The following CNGB1 variants were observed in gnomAD, a reference collection of about 807,000 sequenced individuals.
CNGB1 encodes the protein cyclic nucleotide-gated channel beta-1.
A neutral mutation model predicts 151.7 loss-of-function variants in CNGB1; 126 were observed. The ratio of observed to expected loss-of-function variants is 0.83; its 90% CI spans 0.72 to 0.96. The LOEUF (loss-of-function observed/expected upper bound fraction) is 0.96, where lower values mean the gene tolerates loss of function less well. CNGB1 is among the 40% of genes least tolerant of loss of function. The pLI, the probability that CNGB1 is intolerant of heterozygous loss-of-function variation, is 0.00. For missense variants in CNGB1, 1,698 were observed against 1,627.0 expected (o/e 1.04, Z -0.75); for synonymous variants, 623 against 635.1 (o/e 0.98, Z 0.29).
intron 25 of CNGB1, among the ~76,000 whole-genome samples, chr16:57,910,253 C>A (rs1960672695): frequency 6.6e-6 from 1 of 152,200 alleles, no homozygotes; most frequent in South Asian, 2.1e-4. Context: ...CTAAAGCCCG[C>A]TATTTAGAGG....
At chr16:57,938,443 C>G (rs1961570665) in intron 16 of CNGB1, among the ~76,000 whole-genome samples, 1 of 152,188 alleles carries the variant, frequency 6.6e-6, no homozygotes, top group Non-Finnish European at 1.5e-5. Context: ...ATTGACTCCT[C>G]CCTCAGTGCC....
chr16:57,890,808 GA>G (rs1287832916), intron 31 of CNGB1, among the ~76,000 whole-genome samples: 31 of 152,322 alleles, frequency 2.0e-4, no homozygotes, highest in African/African-American at 7.5e-4. Context: ...TATCTCCCCT[GA>G]TGAGCAGAGC....
chr16:57,925,028 A>G (rs1961146550), intron 17 of CNGB1, among the ~76,000 whole-genome samples: 1 of 152,114 alleles, frequency 6.6e-6, no homozygotes, highest in Non-Finnish European at 1.5e-5. Context: ...TTTGAGATGG[A>G]GTCTTGCTCT....
chr16:57,970,845 C>T (rs921205884), intron 1 of CNGB1, among the ~76,000 whole-genome samples: 1 of 152,008 alleles, frequency 6.6e-6, no homozygotes, highest in African/African-American at 2.4e-5. Flanking sequence ...ATATAGATTC[C>T]TAGGTCCCCC....
chr16:57,901,236 C>G lies in CNGB1; in HGVS notation c.2976+116G>C, dbSNP rs527678922. On this transcript the variant is annotated intron_variant, in intron 29 of 32. Coordinates refer to ENST00000251102, the MANE Select transcript of CNGB1 (RefSeq NM_001297.5). ...AGCATGAAGCCGCAGACGCTCTTCT[C>G]CCTCCCCAACAATCTCGCTCTGCCC... 2.9e-6 allele frequency: 3 copies of G among 1,017,214 alleles called. No individual in the cohort carries two copies. The Admixed American group carries it at 5.1e-5, about 17-fold the overall frequency. The allele number at this position is 1,017,214 out of a possible 1,614,324, so 63.0% of individuals were successfully genotyped here.
At chr16:57,933,724 CT>C (rs5817126) in intron 16 of CNGB1, among the ~76,000 whole-genome samples, 66,420 of 119,130 alleles carry the variant, frequency 0.56, 17,909 homozygotes, top group East Asian at 0.83. Context: ...CTTTTCTTTT[CT>C]TTTTTTTTTT....
chr16:57,886,461 AG>A (rs1959931848), intron 32 of CNGB1, among the ~76,000 whole-genome samples: 1 of 152,198 alleles, frequency 6.6e-6, no homozygotes, highest in South Asian at 2.1e-4. Flanking sequence ...TTTGTGAGCC[AG>A]GCAATCACAT....
At chr16:57,958,276 A>G in intron 11 of CNGB1, 134 bp downstream of exon 11, 1 of 506,720 alleles carries the variant, frequency 2.0e-6, no homozygotes, top group Non-Finnish European at 3.3e-6. Flanking sequence ...GGTGGAATGA[A>G]CGTGGGCCAT....
At position 57,960,541 on chromosome 16, in the gene CNGB1, A is replaced by AAG. The variant is rs752118911; in HGVS notation, c.535-12_535-11insCT. The AAG allele has an allele frequency of 3.4e-5, 55 of 1,613,368 alleles. No homozygotes were observed. The South Asian group carries it at 5.2e-4, about 15-fold the overall frequency. On this transcript the variant is annotated splice_polypyrimidine_tract_variant and intron_variant, in intron 8 of 32. Transcript: ENST00000251102. ...CTCATCTCTCCAGACCTGGGTGACAAACAGGGCGCAAGGTCATGGGCCATA... is the reference window on the plus strand; with the variant it reads ...CTCATCTCTCCAGACCTGGGTGACAAAGACAGGGCGCAAGGTCATGGGCCATA...
intron 32 of CNGB1, among the ~76,000 whole-genome samples, chr16:57,885,206 G>C (rs1320674024): frequency 2.0e-5 from 3 of 152,240 alleles, no homozygotes; most frequent in Non-Finnish European, 4.4e-5. Flanking sequence ...GCAGCCCCCA[G>C]AGGAGGCCAG....
chr16:57,935,325 TTAAA>T (rs1961479103), intron 16 of CNGB1, among the ~76,000 whole-genome samples: 1 of 152,160 alleles, frequency 6.6e-6, no homozygotes, highest in African/African-American at 2.4e-5. Flanking sequence ...GTTTTCCTGT[TTAAA>T]TATACTTAAT....
At chr16:57,898,918 T>C (rs1162280533) in intron 29 of CNGB1, among the ~76,000 whole-genome samples, 4 of 152,192 alleles carry the variant, frequency 2.6e-5, no homozygotes, top group African/African-American at 4.8e-5. Flanking sequence ...TATTTGGGAA[T>C]AGGGTCATTG....
At chr16:57,909,863 T>G (rs556231182) in intron 25 of CNGB1, among the ~76,000 whole-genome samples, 6 of 152,316 alleles carry the variant, frequency 3.9e-5, no homozygotes, top group African/African-American at 1.4e-4. Context: ...CTGTAACTCA[T>G]GAACCGTGTA....
At position 57,897,491 on chromosome 16, in the gene CNGB1, C is replaced by G. The variant is rs578138182; in HGVS notation, c.3148G>C (p.Gly1050Arg). The G allele has an allele frequency of 7.4e-6, 12 of 1,614,108 alleles. 1 individual carries two copies. The South Asian group carries it at 1.3e-4, about 18-fold the overall frequency. The change falls in exon 31 of 33, where the codon GGG becomes CGG. Residue 1050 changes from glycine (G) to arginine (R), a missense_variant. Transcript: ENST00000251102. ...TCCAGGATGAAGAGGTTGGTAAACC[C>G]GTGCGCCACCACGTTGGCCGTGCGC... ...NRRTANVVAH[G>R]FTNLFILDKK...
intron 4 of CNGB1, 79 bp downstream of exon 4, chr16:57,964,051 C>A: frequency 7.2e-7 from 1 of 1,382,512 alleles, no homozygotes; most frequent in South Asian, 1.2e-5. Flanking sequence ...CATCCCCACC[C>A]CCATCCCCAG....
At chr16:57,964,422 C>T (rs899254202) in intron 3 of CNGB1, 65 bp downstream of exon 3, 7 of 1,584,498 alleles carry the variant, frequency 4.4e-6, no homozygotes, top group African/African-American at 4.0e-5. Flanking sequence ...GTGGGCTCTG[C>T]GGCTCCGAGG....
rs199960733 is a variant in CNGB1 at position 57,931,779 on chromosome 16, G to A, written c.1472C>T (p.Pro491Leu). ...AEENPPSTVLPPPSPAKSDTL... is the reference protein window; with the variant it reads ...AEENPPSTVLLPPSPAKSDTL... ...GTCTGATTTGGCAGGAGACGGTGGC[G>A]GCAACACGGTTGAGGGTGGATTCTC... The change falls in exon 17 of 33, where the codon CCG (proline) becomes CTG (leucine). Residue 491 changes from proline (P) to leucine (L), a missense_variant. Transcript: ENST00000251102. 110 of 1,614,022 alleles carry A rather than the reference G, an allele frequency of 6.8e-5. No individual in the cohort carries two copies. The African/African-American group carries it at 7.7e-4, about 11-fold the overall frequency.
intron 29 of CNGB1, 83 bp from the exon 30 acceptor site, chr16:57,897,997 G>A (rs1960282135): frequency 7.7e-6 from 11 of 1,432,394 alleles, no homozygotes; most frequent in Non-Finnish European, 1.1e-5. Flanking sequence ...AGAGGCTGGA[G>A]GTCCGGCAAG....
intron 25 of CNGB1, among the ~76,000 whole-genome samples, chr16:57,908,855 G>A (rs534198862): frequency 6.6e-5 from 10 of 152,306 alleles, no homozygotes; most frequent in African/African-American, 2.4e-4. Context: ...CCCCTTGCTG[G>A]CTGTCTGCTG....
Sources: gnomAD v4.1 joint callset for allele counts (sites outside exome capture counted in the v4.1 genomes callset) on GRCh38, gnomAD v4.1.1 for gene constraint, MANE v1.5 for transcripts, NCBI Gene and HGNC (gene_info 2026-07-23, HGNC 2026-07-21) for gene names.